Variants in DNAH7 observed in about 807,000 individuals in gnomAD.
The protein encoded by DNAH7 is axonemal beta dynein heavy chain 7.
In DNAH7, 397 loss-of-function variants were observed where a neutral mutation model predicts 444.6. That is an observed-to-expected ratio of 0.89 (90% confidence interval 0.82 to 0.97). DNAH7 has a LOEUF of 0.97. DNAH7 is among the 50% of genes least tolerant of loss of function. DNAH7 has a pLI of 0.00. For missense variants in DNAH7, 4,902 were observed against 4,800.8 expected, an observed-to-expected ratio of 1.02 and a Z score of -0.62; for synonymous variants, 1,636 against 1,624.4, an observed-to-expected ratio of 1.01 and a Z score of -0.17.
At chr2:195,948,366 C>T (rs1418818146) in intron 19 of DNAH7, among the ~76,000 whole-genome samples, 1 of 152,168 alleles carries the variant, frequency 6.6e-6, no homozygotes, top group Non-Finnish European at 1.5e-5. Context: ...AGGCTTTGCC[C>T]ATGCCTGTAT....
At chr2:195,751,407 C>T (rs1331450569) in intron 63 of DNAH7, among the ~76,000 whole-genome samples, 1 of 152,090 alleles carries the variant, frequency 6.6e-6, no homozygotes, top group Middle Eastern at 3.2e-3. Flanking sequence ...AAATTTCCCC[C>T]AGCAGCATTT....
intron 23 of DNAH7, among the ~76,000 whole-genome samples, chr2:195,922,864 ATTTTT>A (rs146731861): frequency 2.0e-5 from 3 of 146,854 alleles, no homozygotes; most frequent in African/African-American, 7.5e-5. Flanking sequence ...AATTAGAGGA[ATTTTT>A]TTTTTTTTCT....
chr2:195,894,941 T>C lies in DNAH7; in HGVS notation c.4896+35A>G. The C allele has an allele frequency of 5.8e-6, 9 of 1,543,548 alleles. No homozygotes were observed. The African/African-American group carries it at 6.8e-5, about 12-fold the overall frequency. On this transcript the variant is annotated intron_variant, in intron 30 of 64. Transcript: ENST00000312428. ...TACATTCTACCTTGCACAAAGTCAA[T>C]TATAAATAAATTAATGCATTAATAA...
intron 2 of DNAH7, among the ~76,000 whole-genome samples, chr2:196,057,368 A>G (rs1697872210): frequency 6.6e-6 from 1 of 152,196 alleles, no homozygotes; most frequent in African/African-American, 2.4e-5. Flanking sequence ...AACACGCCAA[A>G]AAAGCTAATA....
chr2:195,826,382 T>C (rs1344180905), intron 48 of DNAH7, among the ~76,000 whole-genome samples: 1 of 152,166 alleles, frequency 6.6e-6, no homozygotes, highest in African/African-American at 2.4e-5. Context: ...CTGTAAAAAG[T>C]ATGTTTTGCA....
At chr2:196,052,882 G>C (rs944920353) in intron 2 of DNAH7, among the ~76,000 whole-genome samples, 10 of 152,166 alleles carry the variant, frequency 6.6e-5, no homozygotes, top group African/African-American at 2.4e-4. Context: ...GAGTGGATGG[G>C]GAAGGTAATC....
intron 55 of DNAH7, among the ~76,000 whole-genome samples, chr2:195,797,577 T>C (rs903910555): frequency 6.6e-6 from 1 of 152,188 alleles, no homozygotes; most frequent in African/African-American, 2.4e-5. Context: ...TCGTCAAGCT[T>C]GTGTTGACTA....
At chr2:195,828,671 T>C (rs73062488) in intron 48 of DNAH7, among the ~76,000 whole-genome samples, 3,347 of 150,960 alleles carry the variant, frequency 0.022, 103 homozygotes, top group African/African-American at 0.078. Flanking sequence ...CAAAGGACTA[T>C]GTTTCCTTTT....
Position 195,855,938 on chromosome 2 carries a change from T to C in DNAH7, c.8468A>G (p.Glu2823Gly), listed in dbSNP as rs1699678497. 2 of 1,613,816 alleles carry C rather than the reference T, an allele frequency of 1.2e-6. No individual in the cohort carries two copies. Among genetic ancestry groups the C allele is most frequent in the South Asian group, 1.1e-5 (1 of 91,036 alleles). ...KKIKLAAAEG[E>G]LKIAMDGLRK... ...AAGACCATCCATGGCAATTTTAAGC[T>C]CCCCTTCAGCTGCAGCCAGTTTTAT... The change falls in exon 45 of 65, where the codon GAG (glutamate) becomes GGG (glycine). Residue 2823 changes from glutamate to glycine, a missense_variant. Glu to Gly is a moderately conservative substitution (Grantham distance 98). Transcript: ENST00000312428.
intron 8 of DNAH7, among the ~76,000 whole-genome samples, chr2:196,023,433 A>G (rs1695498301): frequency 1.3e-5 from 2 of 152,180 alleles, no homozygotes; most frequent in African/African-American, 4.8e-5. Context: ...ACAGAACCCA[A>G]TAGTTAATTT....
intron 23 of DNAH7, 57 bp from the exon 24 acceptor site, chr2:195,922,254 C>T: frequency 9.5e-7 from 1 of 1,050,784 alleles, no homozygotes; most frequent in South Asian, 1.3e-5. Flanking sequence ...AATATGAAAT[C>T]TCAAGCTCTT....
intron 57 of DNAH7, among the ~76,000 whole-genome samples, chr2:195,790,999 T>A (rs1278849079): frequency 6.6e-6 from 1 of 151,858 alleles, no homozygotes; most frequent in Non-Finnish European, 1.5e-5. Flanking sequence ...TAGCAAGCAA[T>A]AAACAAATAA....
intron 46 of DNAH7, among the ~76,000 whole-genome samples, chr2:195,847,065 T>TATATATATATATCTG (rs961755626): frequency 1.4e-5 from 2 of 147,448 alleles, no homozygotes; most frequent in African/African-American, 2.5e-5. Context: ...CTCCCATATA[T>TATATATATATATCTG]ATATATATAT....
intron 15 of DNAH7, among the ~76,000 whole-genome samples, chr2:195,983,255 C>G (rs1313075774): frequency 6.6e-6 from 1 of 152,024 alleles, no homozygotes; most frequent in Non-Finnish European, 1.5e-5. Context: ...ATTTTATTTG[C>G]CATTAGGTAG....
In DNAH7 at chr2:195,960,458, T is replaced by G; in HGVS notation, c.2693A>C (p.Glu898Ala). 6.2e-7 allele frequency: 1 copy of G among 1,614,208 alleles called. No homozygotes were observed. The highest frequency in any genetic ancestry group is 8.5e-7 in the Non-Finnish European group (1 of 1,180,020). ...FEGISEAASK[E>A]YSLEKAMEKM... ...CTCCATCGCCTTTTCAAGAGAATATTCTTTGCTAGCTGCTTCACTAATACC... is the reference window on the plus strand; with the variant it reads ...CTCCATCGCCTTTTCAAGAGAATATGCTTTGCTAGCTGCTTCACTAATACC... The change falls in exon 18 of 65, where the codon GAA becomes GCA. Residue 898 changes from glutamate (E) to alanine (A), a missense_variant. By Grantham distance (107) the Glu-to-Ala change is moderately radical (BLOSUM62 -1). Transcript: ENST00000312428.
intron 38 of DNAH7, among the ~76,000 whole-genome samples, chr2:195,874,987 A>G (rs550649223): frequency 6.6e-6 from 1 of 152,358 alleles, no homozygotes; most frequent in Admixed American, 6.5e-5. Flanking sequence ...ATTTTAAAAA[A>G]TGGAATACTG....
chr2:195,915,754 A>C (rs1687636924), intron 24 of DNAH7, among the ~76,000 whole-genome samples: 1 of 152,128 alleles, frequency 6.6e-6, no homozygotes, highest in South Asian at 2.1e-4. Flanking sequence ...AATTAGATCC[A>C]CTATTTTTTC....
intron 52 of DNAH7, among the ~76,000 whole-genome samples, chr2:195,809,283 C>T (rs1345150504): frequency 6.6e-6 from 1 of 152,148 alleles, no homozygotes; most frequent in Non-Finnish European, 1.5e-5. Context: ...TGATACACAA[C>T]TTTTGCAAGA....
intron 58 of DNAH7, among the ~76,000 whole-genome samples, chr2:195,783,987 T>C (rs1011378682): frequency 6.6e-6 from 1 of 152,114 alleles, no homozygotes; most frequent in African/African-American, 2.4e-5. Context: ...GGTATGGGGA[T>C]TTCCCACATA....
Sources: allele counts gnomAD v4.1 joint callset (sites outside exome capture counted in the v4.1 genomes callset), GRCh38; gene constraint gnomAD v4.1.1; transcripts MANE v1.5; gene names NCBI Gene and HGNC (gene_info 2026-07-23, HGNC 2026-07-21).